Variants in TOP6BL observed in about 807,000 individuals in gnomAD.
The protein encoded by TOP6BL is TOP6B like initiator of meiotic double strand breaks.
At chr11:66,748,110 A>G in the TOP6BL span, among the ~76,000 whole-genome samples, 7 of 152,198 alleles carry the variant, frequency 4.6e-5, no homozygotes, top group Non-Finnish European at 1.0e-4. Context: ...AGATGAATTT[A>G]TCTTCTGAAT....
the TOP6BL span, chr11:66,842,848 G>A: frequency 1.3e-6 from 2 of 1,562,580 alleles, no homozygotes; most frequent in Non-Finnish European, 1.7e-6. Context: ...TTTTCTCCTA[G>A]ATACCAGCGG....
At chr11:66,763,478 A>G in the TOP6BL span, among the ~76,000 whole-genome samples, 48 of 152,090 alleles carry the variant, frequency 3.2e-4, 1 homozygote, top group South Asian at 8.7e-3. Context: ...AAACATTATT[A>G]TTATTATTAT....
At chr11:66,755,381 A>G in the TOP6BL span, among the ~76,000 whole-genome samples, 1 of 152,178 alleles carries the variant, frequency 6.6e-6, no homozygotes, top group Admixed American at 6.5e-5. Flanking sequence ...TTGGTCTCCC[A>G]AAGTGCTGGG....
the TOP6BL span, among the ~76,000 whole-genome samples, chr11:66,807,166 G>C: frequency 6.6e-6 from 1 of 152,188 alleles, no homozygotes; most frequent in South Asian, 2.1e-4. Flanking sequence ...TTAAAAAAGA[G>C]AGAGAGCTAG....
chr11:66,775,882 C>T, the TOP6BL span, among the ~76,000 whole-genome samples: 2 of 151,950 alleles, frequency 1.3e-5, no homozygotes, highest in African/African-American at 2.4e-5. Context: ...ATATTTATTT[C>T]TATAGTCTTA....
the TOP6BL span, among the ~76,000 whole-genome samples, chr11:66,804,895 C>T: frequency 6.6e-6 from 1 of 151,942 alleles, no homozygotes; most frequent in Non-Finnish European, 1.5e-5. Flanking sequence ...CATGGTGAAA[C>T]CCCATCTTAG....
the TOP6BL span, chr11:66,761,441 G>T: frequency 1.1e-5 from 3 of 267,944 alleles, no homozygotes; most frequent in African/African-American, 4.5e-5. Context: ...GCAAAACATA[G>T]AATTTAAATT....
chr11:66,774,750 C>A, the TOP6BL span, among the ~76,000 whole-genome samples: 1 of 151,534 alleles, frequency 6.6e-6, no homozygotes, highest in Non-Finnish European at 1.5e-5. Flanking sequence ...GGATTACAGG[C>A]GTGAGTCACC....
chr11:66,832,225 G>A, the TOP6BL span, among the ~76,000 whole-genome samples: 1 of 151,582 alleles, frequency 6.6e-6, no homozygotes, highest in Non-Finnish European at 1.5e-5. Context: ...AGCCTCCTGA[G>A]TAGCTGGGAC....
At chr11:66,777,640 C>T in the TOP6BL span, among the ~76,000 whole-genome samples, 2 of 152,028 alleles carry the variant, frequency 1.3e-5, no homozygotes, top group Non-Finnish European at 1.5e-5. Flanking sequence ...CCTGTGATCC[C>T]AGCACTTTGG....
At chr11:66,801,078 T>C in the TOP6BL span, 4 of 1,613,848 alleles carry the variant, frequency 2.5e-6, no homozygotes, top group Non-Finnish European at 3.4e-6. Context: ...ATTGCTCTTT[T>C]GGTCGACTCC....
chr11:66,753,138 A>C, the TOP6BL span, among the ~76,000 whole-genome samples: 4 of 151,886 alleles, frequency 2.6e-5, no homozygotes, highest in African/African-American at 9.7e-5. Context: ...CCAAAAAAAA[A>C]TATATATATA....
chr11:66,838,096 G>C, the TOP6BL span, among the ~76,000 whole-genome samples: 4 of 152,156 alleles, frequency 2.6e-5, no homozygotes, highest in South Asian at 8.3e-4. Context: ...AGAGTATGCA[G>C]AGCCCGAGGA....
At chr11:66,800,925 T>C in the TOP6BL span, 8 of 1,226,930 alleles carry the variant, frequency 6.5e-6, no homozygotes, top group Admixed American at 1.2e-4. Context: ...AGTTACTGAA[T>C]TCTAGTAATC....
At chr11:66,822,821 C>G in the TOP6BL span, 48 of 611,408 alleles carry the variant, frequency 7.9e-5, 1 homozygote, top group African/African-American at 8.6e-4. Context: ...CTGGGCAACA[C>G]AGGGAGACCC....
At chr11:66,766,934 A>G in the TOP6BL span, among the ~76,000 whole-genome samples, 1 of 152,278 alleles carries the variant, frequency 6.6e-6, no homozygotes, top group South Asian at 2.1e-4. Context: ...ACATACTCAT[A>G]ATTCTCCAGC....
the TOP6BL span, chr11:66,744,793 G>A: frequency 7.9e-7 from 1 of 1,269,038 alleles, no homozygotes; most frequent in Non-Finnish European, 9.9e-7. Flanking sequence ...GGGCACTGGC[G>A]GAGTTCCAAG....
the TOP6BL span, among the ~76,000 whole-genome samples, chr11:66,761,196 C>G: frequency 6.6e-6 from 1 of 151,856 alleles, no homozygotes; most frequent in African/African-American, 2.4e-5. Context: ...ACGGTGAAAC[C>G]CCGTCTCTAC....
At chr11:66,761,392 TAAAAAG>T in the TOP6BL span, among the ~76,000 whole-genome samples, 1 of 151,200 alleles carries the variant, frequency 6.6e-6, no homozygotes, top group Non-Finnish European at 1.5e-5. Flanking sequence ...GAAAAAAAGA[TAAAAAG>T]GAAAAAAGAA....
Sources: gnomAD v4.1 joint callset for allele counts (sites outside exome capture counted in the v4.1 genomes callset) on GRCh38, gnomAD v4.1.1 for gene constraint, MANE v1.5 for transcripts, NCBI Gene and HGNC (gene_info 2026-07-23, HGNC 2026-07-21) for gene names.